The following NLGN4X variants were observed in gnomAD, a reference collection of about 807,000 sequenced individuals.
NLGN4X encodes the protein neuroligin 4 X-linked.
A neutral mutation model predicts 40.3 loss-of-function variants in NLGN4X; 3 were observed. The observed-to-expected ratio is 0.07, with a 90% confidence interval of 0.03 to 0.19. NLGN4X has a LOEUF of 0.19. Ranked by LOEUF, NLGN4X falls within the 10% of genes least tolerant of loss-of-function variation. NLGN4X has a pLI of 1.00. For synonymous variants in NLGN4X, 270 were observed against 306.8 expected (o/e 0.88, Z 1.25); for missense variants, 382 against 708.3 (o/e 0.54, Z 5.23).
chrX:5,898,706 G>C (rs774284814), intron 5 of NLGN4X, among the ~76,000 whole-genome samples: 1 of 111,901 alleles, frequency 8.9e-6, no homozygotes, highest in East Asian at 2.8e-4. Context: ...GTTTCCTCCT[G>C]TCACCTCCAG....
chrX:5,947,721 G>A (rs922107240), intron 3 of NLGN4X, among the ~76,000 whole-genome samples: 1 of 111,980 alleles, frequency 8.9e-6, no homozygotes, highest in African/African-American at 3.2e-5. Flanking sequence ...CATTTCTGAT[G>A]GAGCTGTCAT....
At chrX:6,007,426 T>C (rs376944700) in intron 3 of NLGN4X, among the ~76,000 whole-genome samples, 4 of 111,841 alleles carry the variant, frequency 3.6e-5, no homozygotes, top group East Asian at 5.6e-4. Flanking sequence ...ATCACCACTA[T>C]GAATATACCC....
At chrX:5,943,606 G>A (rs915564406) in intron 3 of NLGN4X, among the ~76,000 whole-genome samples, 1 of 112,333 alleles carries the variant, frequency 8.9e-6, no homozygotes, top group African/African-American at 3.2e-5. Context: ...TGTAGAAAAT[G>A]CTCAAAAATA....
chrX:5,919,704 C>A (rs1212954138), intron 3 of NLGN4X, among the ~76,000 whole-genome samples: 3 of 111,451 alleles, frequency 2.7e-5, no homozygotes, highest in Non-Finnish European at 5.6e-5. Context: ...TTGCCTGCTC[C>A]TTATGAGAAT....
rs541601438 is a variant in NLGN4X at position 6,175,189 on chromosome X, T to C, written c.-305-23418A>G. Among the ~76,000 whole-genome samples, 6 of 111,547 alleles carry C rather than the reference T, an allele frequency of 5.4e-5. No individual in the cohort carries two copies. In the South Asian group the frequency reaches 1.5e-3, roughly 28 times the overall value. ...CATCTATCTTTGAAATAATTTGCTA[T>C]GATTTTTCCTCTGAGAAAAACAGCA... On this transcript the variant is annotated intron_variant, in intron 1 of 5. Transcript: ENST00000381095.
chrX:5,990,138 C>T (rs1294653124), intron 3 of NLGN4X, among the ~76,000 whole-genome samples: 1 of 107,016 alleles, frequency 9.3e-6, no homozygotes, highest in Non-Finnish European at 1.9e-5. Flanking sequence ...TCCACCCAAA[C>T]AACAAGCGGC....
chrX:6,032,619 GAAA>G, intron 2 of NLGN4X: 3 of 566,191 alleles, frequency 5.3e-6, no homozygotes, highest in Admixed American at 4.5e-5. Flanking sequence ...AGATTGAAAT[GAAA>G]AAAAAAAAGA....
intron 1 of NLGN4X, among the ~76,000 whole-genome samples, chrX:6,191,861 AT>A (rs1183046752): frequency 4.6e-4 from 52 of 112,086 alleles, no homozygotes; most frequent in African/African-American, 1.6e-3. Context: ...TCTATCTCAA[AT>A]AAAAAAAAAG....
At chrX:6,016,782 G>A (rs755543898) in intron 3 of NLGN4X, among the ~76,000 whole-genome samples, 11 of 111,166 alleles carry the variant, frequency 9.9e-5, no homozygotes, top group East Asian at 2.8e-4. Flanking sequence ...AAATATTACC[G>A]AACCATAAAA....
chrX:6,096,299 T>C (rs977460388), intron 2 of NLGN4X, among the ~76,000 whole-genome samples: 1 of 111,415 alleles, frequency 9.0e-6, no homozygotes, highest in African/African-American at 3.3e-5. Flanking sequence ...GAGCCTCATT[T>C]CCTGCATTTA....
In NLGN4X at chrX:6,082,063, C is replaced by T. The variant is rs760344459; in HGVS notation, c.473-52631G>A. Among the ~76,000 whole-genome samples, 5 of 112,331 alleles carry T rather than the reference C, an allele frequency of 4.5e-5. No homozygotes were observed. The East Asian group carries it at 1.4e-3, about 31-fold the overall frequency. On this transcript the variant is annotated intron_variant, in intron 2 of 5. Transcript: ENST00000381095. ...GCAATAAACAAACATTTTAATAATA[C>T]ATTGAATAATCTTCTAATATAAAAT...
chrX:6,138,722 A>G (rs1433042863), intron 2 of NLGN4X, among the ~76,000 whole-genome samples: 1 of 111,215 alleles, frequency 9.0e-6, no homozygotes, highest in Non-Finnish European at 1.9e-5. Context: ...CAAAAGGTTA[A>G]TGAACGGGAA....
intron 2 of NLGN4X, among the ~76,000 whole-genome samples, chrX:6,061,284 G>A (rs891659523): frequency 7.2e-5 from 8 of 110,683 alleles, no homozygotes; most frequent in Non-Finnish European, 1.3e-4. Flanking sequence ...TGTGGATGTC[G>A]CTGCCATTTT....
intron 1 of NLGN4X, among the ~76,000 whole-genome samples, chrX:6,162,612 T>C (rs1361634721): frequency 9.0e-6 from 1 of 111,429 alleles, no homozygotes; most frequent in African/African-American, 3.3e-5. Context: ...AGATGGCCTG[T>C]TGTGGGACCT....
chrX:6,179,862 G>C (rs1334718897), intron 1 of NLGN4X, among the ~76,000 whole-genome samples: 3 of 111,726 alleles, frequency 2.7e-5, no homozygotes, highest in African/African-American at 9.8e-5. Flanking sequence ...GACTCATGTG[G>C]CTATGATGGG....
chrX:6,034,945 G>C (rs578151867), intron 2 of NLGN4X, among the ~76,000 whole-genome samples: 1 of 111,130 alleles, frequency 9.0e-6, no homozygotes, highest in Non-Finnish European at 1.9e-5. Context: ...TGCCTCAAGC[G>C]ATCCACTCAT....
At chrX:6,212,043 C>T (rs776586193) in intron 1 of NLGN4X, among the ~76,000 whole-genome samples, 3 of 110,469 alleles carry the variant, frequency 2.7e-5, no homozygotes, top group Admixed American at 9.7e-5. Context: ...GTCAGGAGTT[C>T]GAGACCAGCC....
chrX:6,130,935 C>T (rs186054002), intron 2 of NLGN4X, among the ~76,000 whole-genome samples: 237 of 111,853 alleles, frequency 2.1e-3, no homozygotes, highest in African/African-American at 7.1e-3. Context: ...CTTTTTGATG[C>T]TTTCTTCTCA....
intron 2 of NLGN4X, among the ~76,000 whole-genome samples, chrX:6,144,055 GC>G (rs1382595445): frequency 8.9e-6 from 1 of 111,918 alleles, no homozygotes; most frequent in African/African-American, 3.2e-5. Context: ...GCTGCAGTGA[GC>G]TATGACTGTG....
Sources: gnomAD v4.1 joint callset for allele counts (sites outside exome capture counted in the v4.1 genomes callset) on GRCh38, gnomAD v4.1.1 for gene constraint, MANE v1.5 for transcripts, NCBI Gene and HGNC (gene_info 2026-07-23, HGNC 2026-07-21) for gene names.